The following GRM1 variants were observed in gnomAD, a reference collection of about 807,000 sequenced individuals.
GRM1 encodes metabotropic glutamate receptor 1.
GRM1 carries 33 observed loss-of-function variants against 90.9 expected under a neutral mutation model. That is an observed-to-expected ratio of 0.36 (90% confidence interval 0.28 to 0.49). The LOEUF (loss-of-function observed/expected upper bound fraction) is 0.49. Ranked by LOEUF, GRM1 falls within the 20% of genes least tolerant of loss-of-function variation. The pLI is 0.99. For missense variants in GRM1, 1,190 were observed against 1,534.3 expected (o/e 0.78, Z 3.75); for synonymous variants, 700 against 613.2 (o/e 1.14, Z -2.09).
chr6:146,411,715 T>TA, intron 7 of GRM1, among the ~76,000 whole-genome samples: 1 of 152,120 alleles, frequency 6.6e-6, no homozygotes, highest in Non-Finnish European at 1.5e-5. Context: ...CAAAGAGAAA[T>TA]ACTTAAGTAA....
At chr6:146,295,197 T>C (rs1479231128) in intron 2 of GRM1, among the ~76,000 whole-genome samples, 1 of 152,058 alleles carries the variant, frequency 6.6e-6, no homozygotes, top group African/African-American at 2.4e-5. Context: ...GCCATTTTTC[T>C]GAGAATAGTA....
intron 1 of GRM1, among the ~76,000 whole-genome samples, chr6:146,118,609 A>G (rs185739290): frequency 1.1e-4 from 16 of 152,356 alleles, no homozygotes; most frequent in Non-Finnish European, 2.2e-4. Context: ...ACCCTGCAAC[A>G]GGCCCTGGCA....
chr6:146,047,827 G>C (rs1454933698), intron 1 of GRM1, among the ~76,000 whole-genome samples: 4 of 152,014 alleles, frequency 2.6e-5, no homozygotes, highest in African/African-American at 4.8e-5. Flanking sequence ...TCTTAATCCA[G>C]AAGAATGGTT....
intron 7 of GRM1, among the ~76,000 whole-genome samples, chr6:146,414,023 A>C (rs556406765): frequency 4.6e-5 from 7 of 152,344 alleles, no homozygotes; most frequent in African/African-American, 1.4e-4. Flanking sequence ...TACATACACA[A>C]GATTTTATTA....
chr6:146,139,089 T>G (rs1031249380), intron 1 of GRM1, among the ~76,000 whole-genome samples: 5 of 152,160 alleles, frequency 3.3e-5, no homozygotes, highest in Admixed American at 2.6e-4. Context: ...GACCCACCGG[T>G]CATTCAGGAG....
chr6:146,176,624 G>GA (rs1562510589), intron 2 of GRM1, among the ~76,000 whole-genome samples: 1 of 151,712 alleles, frequency 6.6e-6, no homozygotes, highest in African/African-American at 2.4e-5. Context: ...TATTTGAAAG[G>GA]AAAAAAGAAG....
chr6:146,207,306 C>T (rs1779529024), intron 2 of GRM1, among the ~76,000 whole-genome samples: 1 of 152,034 alleles, frequency 6.6e-6, no homozygotes, highest in African/African-American at 2.4e-5. Context: ...AATAACAACT[C>T]ATTGTGGTTT....
At chr6:146,102,955 G>T (rs951011858) in intron 1 of GRM1, among the ~76,000 whole-genome samples, 1 of 152,156 alleles carries the variant, frequency 6.6e-6, no homozygotes, top group African/African-American at 2.4e-5. Context: ...GTTAATGGGT[G>T]AACAACCAAA....
chr6:146,176,085 C>G (rs1283335322), intron 2 of GRM1, among the ~76,000 whole-genome samples: 1 of 152,048 alleles, frequency 6.6e-6, no homozygotes, highest in Non-Finnish European at 1.5e-5. Context: ...AACCCTAGCG[C>G]CCTTTCAACA....
chr6:146,126,299 A>G (rs1483012338), intron 1 of GRM1, among the ~76,000 whole-genome samples: 2 of 152,162 alleles, frequency 1.3e-5, no homozygotes, highest in African/African-American at 4.8e-5. Context: ...AAAGTAGAGA[A>G]AAATATAAAG....
chr6:146,250,982 G>T (rs1311550769), intron 2 of GRM1, among the ~76,000 whole-genome samples: 1 of 152,110 alleles, frequency 6.6e-6, no homozygotes, highest in African/African-American at 2.4e-5. Flanking sequence ...AAAGAACTTC[G>T]AGGTTTCTGA....
At chr6:146,089,892 T>A (rs1444443065) in intron 1 of GRM1, among the ~76,000 whole-genome samples, 1 of 152,122 alleles carries the variant, frequency 6.6e-6, no homozygotes, top group Non-Finnish European at 1.5e-5. Context: ...CATTTTTTAA[T>A]GTTTCCGGTT....
At chr6:146,306,657 G>T (rs1276311112) in intron 3 of GRM1, among the ~76,000 whole-genome samples, 3 of 152,082 alleles carry the variant, frequency 2.0e-5, no homozygotes, top group Non-Finnish European at 4.4e-5. Context: ...TCAGGGTAGG[G>T]AGTTTTGCTG....
At chr6:146,404,962 A>G (rs1202386700) in intron 7 of GRM1, among the ~76,000 whole-genome samples, 1 of 152,214 alleles carries the variant, frequency 6.6e-6, no homozygotes, top group African/African-American at 2.4e-5. Flanking sequence ...TGCATATGAA[A>G]AAGTTTTCTG....
intron 2 of GRM1, among the ~76,000 whole-genome samples, chr6:146,200,506 T>C (rs1013561785): frequency 4.6e-5 from 7 of 152,282 alleles, no homozygotes; most frequent in Non-Finnish European, 8.8e-5. Flanking sequence ...ACTGCCTCCT[T>C]CCAGGAACTC....
intron 1 of GRM1, among the ~76,000 whole-genome samples, chr6:146,109,751 G>A (rs978056608): frequency 1.3e-5 from 2 of 152,180 alleles, no homozygotes; most frequent in African/African-American, 4.8e-5. Context: ...CAGAAGGGAG[G>A]CTGTACCCTG....
intron 2 of GRM1, among the ~76,000 whole-genome samples, chr6:146,180,143 CA>C (rs954969847): frequency 2.0e-5 from 3 of 149,386 alleles, no homozygotes; most frequent in Admixed American, 1.3e-4. Flanking sequence ...AAAAACAAAC[CA>C]AAAAAACCAA....
intron 1 of GRM1, among the ~76,000 whole-genome samples, chr6:146,080,004 C>T (rs1776310228): frequency 6.6e-6 from 1 of 152,188 alleles, no homozygotes; most frequent in African/African-American, 2.4e-5. Context: ...TATAGGTTTG[C>T]CCCAGTGACA....
chr6:146,054,410 T>C (rs758580758), intron 1 of GRM1, among the ~76,000 whole-genome samples: 59 of 152,212 alleles, frequency 3.9e-4, no homozygotes, highest in Admixed American at 1.4e-3. Context: ...ATAATAATTA[T>C]AAAACAGATT....
Sources: gnomAD v4.1 joint callset for allele counts (sites outside exome capture counted in the v4.1 genomes callset) on GRCh38, gnomAD v4.1.1 for gene constraint, MANE v1.5 for transcripts, NCBI Gene and HGNC (gene_info 2026-07-23, HGNC 2026-07-21) for gene names.